The following HP1BP3 variants were observed in gnomAD, a reference collection of about 807,000 sequenced individuals.
The protein encoded by HP1BP3 is heterochromatin protein 1-binding protein 3.
Under a neutral mutation model 62.5 loss-of-function variants are expected in HP1BP3, and 12 were observed. That is an observed-to-expected ratio of 0.19 (90% CI 0.12 to 0.31). The LOEUF (loss-of-function observed/expected upper bound fraction) is 0.31, where lower values mean the gene tolerates loss of function less well. HP1BP3 is among the 10% of genes least tolerant of loss of function. HP1BP3 has a pLI of 1.00. For missense variants in HP1BP3, 502 were observed against 651.8 expected, an observed-to-expected ratio of 0.77 and a Z score of 2.50; for synonymous variants, 260 against 237.8, an observed-to-expected ratio of 1.09 and a Z score of -0.86.
intron 11 of HP1BP3, 138 bp downstream of exon 11, chr1:20,747,406 G>A: frequency 1.6e-6 from 1 of 609,202 alleles, no homozygotes; most frequent in Non-Finnish European, 2.9e-6. Context: ...GGGCAGTTCT[G>A]TAACCAATCC....
chr1:20,775,001 A>AG (rs1339797716), intron 4 of HP1BP3: 1 of 152,118 alleles, frequency 6.6e-6, no homozygotes, highest in Non-Finnish European at 1.5e-5. Flanking sequence ...AAAAAAAAAA[A>AG]AAAAGCACAT....
At chr1:20,756,199 G>A (rs1455041866) in intron 9 of HP1BP3, among the ~76,000 whole-genome samples, 1 of 152,084 alleles carries the variant, frequency 6.6e-6, no homozygotes, top group Non-Finnish European at 1.5e-5. Flanking sequence ...GTTGAGTTTT[G>A]GTGTAGTATC....
chr1:20,772,582 A>G (rs1162167780), intron 5 of HP1BP3, among the ~76,000 whole-genome samples: 1 of 152,050 alleles, frequency 6.6e-6, no homozygotes, highest in Non-Finnish European at 1.5e-5. Context: ...TTTATGTGTT[A>G]GTGCTATCTT....
intron 9 of HP1BP3, among the ~76,000 whole-genome samples, chr1:20,750,445 T>C (rs2154539735): frequency 6.6e-6 from 1 of 151,442 alleles, no homozygotes. Flanking sequence ...GGAGAGTCAC[T>C]TGAACCCAAG....
chr1:20,787,075 C>T (rs552496650), intron 1 of HP1BP3, 120 bp downstream of exon 1: 1 of 151,860 alleles, frequency 6.6e-6, no homozygotes, highest in South Asian at 2.1e-4. Flanking sequence ...GACCCGGGCG[C>T]CCCGCCCCCT....
chr1:20,760,868 T>C (rs772994849), intron 8 of HP1BP3, among the ~76,000 whole-genome samples: 1 of 151,992 alleles, frequency 6.6e-6, no homozygotes, highest in African/African-American at 2.4e-5. Context: ...TAAAAAGTGA[T>C]AGAACTTACA....
Position 20,743,206 on chromosome 1 carries a change from C to A in HP1BP3, c.*1591G>T, listed in dbSNP as rs1490828689. ...AAAGAAAGGAGGGGAAAAAAACCCA[C>A]AAATAAATGTAGAATCTAGTTTATT... On this transcript the variant is annotated 3_prime_UTR_variant, in exon 13 of 13. Coordinates refer to ENST00000438032, the MANE Select transcript of HP1BP3 (RefSeq NM_001372052.1). The A allele has an allele frequency of 6.6e-6, 1 of 152,080 alleles. No individual in the cohort carries two copies. Among genetic ancestry groups the A allele is most frequent in the Non-Finnish European group, 1.5e-5 (1 of 67,966 alleles). 9.4% of individuals were successfully genotyped at this position (152,080 alleles called of 1,614,324 possible). A position where few individuals can be genotyped will look rare whatever the true frequency, so the allele number is the denominator to read the frequency against.
chr1:20,764,658 G>C (rs2154540570), intron 8 of HP1BP3, among the ~76,000 whole-genome samples: 1 of 147,862 alleles, frequency 6.8e-6, no homozygotes, highest in East Asian at 2.0e-4. Context: ...TACTCTACCA[G>C]GATCTTACAA....
intron 4 of HP1BP3, chr1:20,775,891 GATGTATCTCTCAGA>G: frequency 1.4e-6 from 2 of 1,406,518 alleles, no homozygotes; most frequent in East Asian, 2.6e-5. Flanking sequence ...ATCGCCTAAA[GATGTATCTCTCAGA>G]ATGTATACCC....
intron 11 of HP1BP3, among the ~76,000 whole-genome samples, chr1:20,746,294 A>C (rs1185198211): frequency 6.6e-6 from 1 of 151,568 alleles, no homozygotes; most frequent in African/African-American, 2.4e-5. Context: ...CCTAGGCTCA[A>C]GGGATCCTCC....
In HP1BP3 at chr1:20,741,948, G is replaced by C. The variant is rs1435391645; in HGVS notation, c.*2849C>G. Among the ~76,000 whole-genome samples, 2 of 152,214 alleles carry C rather than the reference G, an allele frequency of 1.3e-5. No individual in the cohort carries two copies. The highest frequency in any genetic ancestry group is 1.9e-4 in the East Asian group (1 of 5,202). ...CATTCTTTTATCTCAATGTAAGTAA[G>C]GCGTATGTCTTTGACAGTTGTGGAT... On this transcript the variant is annotated 3_prime_UTR_variant, in exon 13 of 13. Coordinates refer to ENST00000438032, the MANE Select transcript of HP1BP3 (RefSeq NM_001372052.1).
At chr1:20,771,687 A>AAGT (rs377210536) in intron 5 of HP1BP3, among the ~76,000 whole-genome samples, 84 of 152,348 alleles carry the variant, frequency 5.5e-4, no homozygotes, top group African/African-American at 1.9e-3. Context: ...TGGAAGAATT[A>AAGT]AGTAGCTCAT....
chr1:20,784,161 G>A (rs2057707597), intron 1 of HP1BP3, among the ~76,000 whole-genome samples: 1 of 152,016 alleles, frequency 6.6e-6, no homozygotes, highest in African/African-American at 2.4e-5. Context: ...GTATCAACAG[G>A]GTTTTGCCAT....
intron 8 of HP1BP3, among the ~76,000 whole-genome samples, chr1:20,761,518 G>A (rs1050877398): frequency 7.9e-6 from 1 of 126,974 alleles, no homozygotes; most frequent in East Asian, 2.4e-4. Context: ...ATTTTTGGGG[G>A]GAGAGGGAGC....
In HP1BP3 at chr1:20,740,912, C is replaced by G. The variant is rs1176858922; in HGVS notation, c.*3885G>C. 2.0e-5 allele frequency among the ~76,000 whole-genome samples: 3 copies of G among 152,210 alleles called. No individual in the cohort carries two copies. The highest frequency in any genetic ancestry group is 2.9e-5 in the Non-Finnish European group (2 of 68,038). ...CTGATTAGGGGTACTGTTTAACCATCTGTAATGGCTTCTAAACAAATCTTT... is the reference window on the plus strand; with the variant it reads ...CTGATTAGGGGTACTGTTTAACCATGTGTAATGGCTTCTAAACAAATCTTT... On this transcript the variant is annotated 3_prime_UTR_variant, in exon 13 of 13. Coordinates refer to ENST00000438032, the MANE Select transcript of HP1BP3 (RefSeq NM_001372052.1).
At chr1:20,755,806 C>G (rs1478153207) in intron 9 of HP1BP3, among the ~76,000 whole-genome samples, 1 of 151,962 alleles carries the variant, frequency 6.6e-6, no homozygotes, top group Non-Finnish European at 1.5e-5. Flanking sequence ...TACTATTGGA[C>G]AATAAAAAAG....
In HP1BP3 at chr1:20,780,465, A is replaced by G. The variant is rs1487510036; in HGVS notation, c.-25T>C. On this transcript the variant is annotated 5_prime_UTR_variant, in exon 2 of 13. Coordinates refer to ENST00000438032, the MANE Select transcript of HP1BP3 (RefSeq NM_001372052.1). ...TTTTAAATAATTTCTAGGCCCGAGT[A>G]CAGGTTACACTCTGAAGCCTCTGCT... The G allele has an allele frequency of 6.7e-7, 1 of 1,489,762 alleles. No individual in the cohort carries two copies. Among genetic ancestry groups the G allele is most frequent in the African/African-American group, 1.4e-5 (1 of 72,404 alleles). The allele number at this position is 1,489,762 out of a possible 1,614,324, so 92.3% of individuals were successfully genotyped here. A position where few individuals can be genotyped will look rare whatever the true frequency, so the allele number is the denominator to read the frequency against.
chr1:20,764,055 G>A (rs2056633318), intron 8 of HP1BP3, among the ~76,000 whole-genome samples: 1 of 152,030 alleles, frequency 6.6e-6, no homozygotes, highest in Non-Finnish European at 1.5e-5. Flanking sequence ...TTTTCTTCCT[G>A]TTTTTGTAAA....
rs930779983 is a variant in HP1BP3, at chr1:20,744,022, T to C, written c.*775A>G. Reference sequence around the variant, plus strand: ...AGGTGGAGGTTGCAGTGAGCTGAGATTGCACCACTGCACTCCGGGGCACCT... The same window carrying C: ...AGGTGGAGGTTGCAGTGAGCTGAGACTGCACCACTGCACTCCGGGGCACCT... On this transcript the variant is annotated 3_prime_UTR_variant, in exon 13 of 13. Coordinates refer to ENST00000438032, the MANE Select transcript of HP1BP3 (RefSeq NM_001372052.1). 1 of 152,070 alleles carries C rather than the reference T, an allele frequency of 6.6e-6. No homozygotes were observed. Among genetic ancestry groups the C allele is most frequent in the African/African-American group, 2.4e-5 (1 of 41,374 alleles). The allele number at this position is 152,070 out of a possible 1,614,324, so 9.4% of individuals were successfully genotyped here.
Sources: gnomAD v4.1 joint callset for allele counts (sites outside exome capture counted in the v4.1 genomes callset) on GRCh38, gnomAD v4.1.1 for gene constraint, MANE v1.5 for transcripts, NCBI Gene and HGNC (gene_info 2026-07-23, HGNC 2026-07-21) for gene names.